The following ZNF726 variants were observed in gnomAD, a reference collection of about 807,000 sequenced individuals.
ZNF726 encodes the protein zinc finger protein 726, also known as zinc finger protein 92 pseudogene 3.
Under a neutral mutation model 11.6 loss-of-function variants are expected in ZNF726, and 15 were observed. That is an observed-to-expected ratio of 1.29 (90% confidence interval 0.86 to 1.99). The LOEUF (loss-of-function observed/expected upper bound fraction) is 1.99, where lower values mean the gene tolerates loss of function less well. Among genes scored for constraint, ZNF726 ranks in the 30% most tolerant of loss-of-function variants. ZNF726 has a pLI of 0.00. For missense variants in ZNF726, 890 were observed against 725.6 expected (o/e 1.23, Z -2.60); for synonymous variants, 295 against 243.6 (o/e 1.21, Z -1.96).
intron 3 of ZNF726, among the ~76,000 whole-genome samples, chr19:23,926,656 T>C (rs1398708410): frequency 6.6e-6 from 1 of 152,138 alleles, no homozygotes; most frequent in Admixed American, 6.5e-5. Flanking sequence ...GAACTTCATT[T>C]TATCGTTATG....
At chr19:23,928,601 CACTTG>C (rs1599463598) in intron 3 of ZNF726, 1 of 152,206 alleles carries the variant, frequency 6.6e-6, no homozygotes, top group East Asian at 1.9e-4. Context: ...CTCACGTTAG[CACTTG>C]ACTTAAAATA....
rs774873484 is a variant in ZNF726, at chr19:23,933,232, A to G, written c.1116A>G (p.Glu372=). 2 of 1,613,192 alleles carry G rather than the reference A, an allele frequency of 1.2e-6. No homozygotes were observed. Among genetic ancestry groups the G allele is most frequent in the Non-Finnish European group, 1.7e-6 (2 of 1,180,000 alleles). Residue 372 remains glutamate (E), a synonymous_variant, in exon 4 of 4, where the codon GAA becomes GAG. Transcript: ENST00000594466. The part of the protein sequence containing the change: ...IHTGEKPYKC[E]ECGKAFIWPS... The stretch of plus-strand genomic sequence containing the variant: ...CTGGAGAGAAACCCTACAAATGTGA[A>G]GAATGTGGCAAAGCATTTATATGGC...
At chr19:23,925,394 A>G (rs908566316) in intron 3 of ZNF726, among the ~76,000 whole-genome samples, 7 of 152,238 alleles carry the variant, frequency 4.6e-5, no homozygotes, top group Admixed American at 1.3e-4. Flanking sequence ...GGATTTCACC[A>G]TGTTGGTCAG....
chr19:23,924,889 C>T lies in ZNF726; in HGVS notation c.226+4807C>T, dbSNP rs1402685402. 3.6e-5 allele frequency among the ~76,000 whole-genome samples: 5 copies of T among 137,458 alleles called. No homozygotes were observed. The South Asian group carries it at 9.4e-4, about 26-fold the overall frequency. The allele number at this position is 137,458 out of a possible 152,430, so 90.2% of individuals were successfully genotyped here. A position where few individuals can be genotyped will look rare whatever the true frequency, so the allele number is the denominator to read the frequency against. On this transcript the variant is annotated intron_variant, in intron 3 of 3. Coordinates refer to ENST00000594466, the MANE Select transcript of ZNF726 (RefSeq NM_001244038.2). ...CTTGGGTGACAGATTGAGACCTTGT[C>T]TTAAAAAAAAAAAAGTGTATATTTC...
intron 3 of ZNF726, among the ~76,000 whole-genome samples, chr19:23,940,762 G>C (rs1310072204): frequency 1.3e-5 from 2 of 152,060 alleles, no homozygotes; most frequent in Non-Finnish European, 2.9e-5. Context: ...TTGTAAAAGG[G>C]GTTGAGTTCC....
chr19:23,915,262 C>T (rs1346285000), intron 1 of ZNF726, among the ~76,000 whole-genome samples: 2 of 152,116 alleles, frequency 1.3e-5, no homozygotes, highest in Non-Finnish European at 2.9e-5. Flanking sequence ...AGTAGCCCCG[C>T]GTCTCTCCCA....
intron 3 of ZNF726, among the ~76,000 whole-genome samples, chr19:23,924,328 AC>A (rs1967931301): frequency 6.6e-6 from 1 of 152,018 alleles, no homozygotes; most frequent in South Asian, 2.1e-4. Context: ...TGCTGGGATT[AC>A]AGGCGTGAGC....
In ZNF726 at chr19:23,922,589, C is replaced by G. The variant is rs1374618494; in HGVS notation, c.226+2507C>G. Among the ~76,000 whole-genome samples, 7 of 152,200 alleles carry G rather than the reference C, an allele frequency of 4.6e-5. No individual in the cohort carries two copies. The East Asian group carries it at 1.3e-3, about 29-fold the overall frequency. On this transcript the variant is annotated intron_variant, in intron 3 of 3. Transcript: ENST00000594466. Reference sequence around the variant, plus strand: ...CAAGTTAGGTGGAGCACTTTCTTGTCTGTAGCCAAAAACAGTGGTCATGTA... The same window carrying G: ...CAAGTTAGGTGGAGCACTTTCTTGTGTGTAGCCAAAAACAGTGGTCATGTA...
Position 23,932,653 on chromosome 19 carries a change from CA to C in ZNF726, c.540del (p.Lys180AsnfsTer70). On this transcript the variant is annotated frameshift_variant, in exon 4 of 4. Coordinates refer to ENST00000594466, the MANE Select transcript of ZNF726 (RefSeq NM_001244038.2). LOFTEE classifies it low-confidence loss of function (END_TRUNC). The stretch of plus-strand genomic sequence containing the variant: ...AACCTTTCAAATGTAAAAATTGTGT[CA>C]AATCATTTTGCATGTTTTCACACAA... ...KKPFKCKNCV[K>X]SFCMFSHKTQ... is the part of the protein sequence containing the mutation. 1 of 1,573,294 alleles carries C rather than the reference CA, an allele frequency of 6.4e-7. No homozygotes were observed. The highest frequency in any genetic ancestry group is 1.7e-4 in the Middle Eastern group (1 of 5,884).
chr19:23,937,993 A>G (rs957667941), downstream of ZNF726, among the ~76,000 whole-genome samples: 1 of 152,248 alleles, frequency 6.6e-6, no homozygotes, highest in African/African-American at 2.4e-5. Flanking sequence ...CATGTTAAAT[A>G]CTATCATGAA....
chr19:23,938,805 C>T (rs527833846), downstream of ZNF726, among the ~76,000 whole-genome samples: 23 of 151,974 alleles, frequency 1.5e-4, no homozygotes, highest in African/African-American at 5.1e-4. Flanking sequence ...CAGGATTTTG[C>T]TATGTTGGTC....
Position 23,933,263 on chromosome 19 carries a change from A to G in ZNF726, c.1147A>G (p.Thr383Ala), listed in dbSNP as rs1968157240. ...TGGCAAAGCATTTATATGGCCCTCA[A>G]CCCTAACTAAACATAAGAGGATTCA... ...ECGKAFIWPS[T>A]LTKHKRIHTG... The change falls in exon 4 of 4, where the codon ACC becomes GCC. Residue 383 changes from threonine to alanine, a missense_variant. Physicochemically the swap from Thr to Ala is moderately conservative, Grantham distance 58. Transcript: ENST00000594466. 3 of 1,612,698 alleles carry G rather than the reference A, an allele frequency of 1.9e-6. No homozygotes were observed. Among genetic ancestry groups the G allele is most frequent in the African/African-American group, 1.3e-5 (1 of 74,482 alleles).
chr19:23,941,771 AG>A (rs1160800931), intron 3 of ZNF726, among the ~76,000 whole-genome samples: 4 of 152,132 alleles, frequency 2.6e-5, no homozygotes, highest in African/African-American at 9.7e-5. Context: ...AGGTGTTCAT[AG>A]TAGCCTTGAA....
intron 4 of ZNF726, chr19:23,944,251 G>A (rs938772533): frequency 1.3e-5 from 2 of 151,956 alleles, no homozygotes; most frequent in Non-Finnish European, 2.9e-5. Flanking sequence ...TGAATTTCCT[G>A]TATATTTTGA....
chr19:23,933,856 T>C lies in ZNF726; in HGVS notation c.1740T>C (p.Leu580=). The C allele has an allele frequency of 1.3e-6, 2 of 1,593,694 alleles. No individual in the cohort carries two copies. Among genetic ancestry groups the C allele is most frequent in the Non-Finnish European group, 1.7e-6 (2 of 1,170,274 alleles). The change falls in exon 4 of 4, where the codon CTT becomes CTC. Residue 580 remains leucine, a synonymous_variant. Coordinates refer to ENST00000594466, the MANE Select transcript of ZNF726 (RefSeq NM_001244038.2). ...AAGCGTTTAATCGATCCTCAAATCT[T>C]AGTACGCATAAGATAATTCATACTG... The part of the protein sequence containing the change: ...CGKAFNRSSN[L]STHKIIHTGE...
downstream of ZNF726, among the ~76,000 whole-genome samples, chr19:23,938,585 A>G (rs918280742): frequency 6.6e-6 from 1 of 150,868 alleles, no homozygotes; most frequent in Non-Finnish European, 1.5e-5. Context: ...TTGTTCGTTT[A>G]ATAGTTTTTT....
rs779730683 is a variant in ZNF726, at chr19:23,932,920, A to G, written c.804A>G (p.Gln268=). 1.9e-5 allele frequency: 31 copies of G among 1,610,360 alleles called. No individual in the cohort carries two copies. In the Admixed American group the frequency reaches 3.5e-4, roughly 18 times the overall value. ...KCEECGKAFS[Q]SSTLTIHKRI... is the part of the protein sequence containing the mutation. ...AAGAATGTGGCAAAGCATTTAGCCAATCCTCAACACTAACCATACATAAGA... is the reference window on the plus strand; with the variant it reads ...AAGAATGTGGCAAAGCATTTAGCCAGTCCTCAACACTAACCATACATAAGA... Residue 268 remains glutamine, a synonymous_variant, in exon 4 of 4, where the codon CAA becomes CAG. Transcript: ENST00000594466.
downstream of ZNF726, among the ~76,000 whole-genome samples, chr19:23,937,009 G>A (rs1383840525): frequency 6.6e-6 from 1 of 151,714 alleles, no homozygotes; most frequent in Non-Finnish European, 1.5e-5. Context: ...GGGCAGAGGG[G>A]CTCCTCACTT....
At chr19:23,926,483 G>C (rs980716931) in intron 3 of ZNF726, among the ~76,000 whole-genome samples, 1 of 151,320 alleles carries the variant, frequency 6.6e-6, no homozygotes, top group East Asian at 2.0e-4. Context: ...GAACCCAGGA[G>C]GCGGAGGTTG....
Sources: allele counts gnomAD v4.1 joint callset (sites outside exome capture counted in the v4.1 genomes callset), GRCh38; gene constraint gnomAD v4.1.1; transcripts MANE v1.5; gene names NCBI Gene and HGNC (gene_info 2026-07-23, HGNC 2026-07-21).